The following TRAPPC11 variants were observed in gnomAD, a reference collection of about 807,000 sequenced individuals.
TRAPPC11 encodes the protein trafficking protein particle complex subunit 11.
In TRAPPC11, 104 loss-of-function variants were observed where a neutral mutation model predicts 151.2. The ratio of observed to expected loss-of-function variants is 0.69; its 90% CI spans 0.59 to 0.81. The LOEUF is 0.81. TRAPPC11 is among the 30% of genes least tolerant of loss of function. The pLI is 0.00. For synonymous variants in TRAPPC11, 456 were observed against 472.3 expected (o/e 0.97, Z 0.45); for missense variants, 1,230 against 1,349.6 (o/e 0.91, Z 1.39).
intron 5 of TRAPPC11, among the ~76,000 whole-genome samples, chr4:183,669,469 C>A (rs1227127577): frequency 6.6e-6 from 1 of 152,174 alleles, no homozygotes; most frequent in Non-Finnish European, 1.5e-5. Flanking sequence ...CAGATGCTTT[C>A]ATAGTCATGC....
At chr4:183,689,230 G>A (rs983965057) in intron 18 of TRAPPC11, among the ~76,000 whole-genome samples, 1 of 152,112 alleles carries the variant, frequency 6.6e-6, no homozygotes, top group Non-Finnish European at 1.5e-5. Flanking sequence ...GATATAAGAG[G>A]CATTTAAAAA....
intron 11 of TRAPPC11, chr4:183,683,732 T>G (rs779281154): frequency 1.7e-4 from 88 of 510,300 alleles, no homozygotes; most frequent in Non-Finnish European, 2.0e-4. Flanking sequence ...TGACATTGCT[T>G]TTCAGATCGT....
Position 183,685,102 on chromosome 4 carries a change from A to G in TRAPPC11, c.1586A>G (p.Asp529Gly). 2 of 1,613,900 alleles carry G rather than the reference A, an allele frequency of 1.2e-6. No homozygotes were observed. The highest frequency in any genetic ancestry group is 1.7e-6 in the Non-Finnish European group (2 of 1,179,914). ...LLGRASTLKDDQKSRIEKNLI... is the reference protein window; with the variant it reads ...LLGRASTLKDGQKSRIEKNLI... Reference sequence around the variant, plus strand: ...ATACTAGCTTCAACTCTGAAAGATGACCAGAAGTCTCGGATAGAAAAGAAC... The same window carrying G: ...ATACTAGCTTCAACTCTGAAAGATGGCCAGAAGTCTCGGATAGAAAAGAAC... The change falls in exon 16 of 30, where the codon GAC becomes GGC. Residue 529 changes from aspartate to glycine, a missense_variant. Coordinates refer to ENST00000334690, the MANE Select transcript of TRAPPC11 (RefSeq NM_021942.6).
Position 183,667,143 on chromosome 4 carries a change from T to C in TRAPPC11, c.445+13T>C, listed in dbSNP as rs1313575499. The C allele has an allele frequency of 6.3e-7, 1 of 1,594,290 alleles. No homozygotes were observed. Among genetic ancestry groups the C allele is most frequent in the Admixed American group, 1.7e-5 (1 of 59,758 alleles). ...CCTTTGCCCCCAGGTATCAGAAGTC[T>C]AATTAATGAATTAATTGTTTTATAC... On this transcript the variant is annotated intron_variant, in intron 4 of 29. Coordinates refer to ENST00000334690, the MANE Select transcript of TRAPPC11 (RefSeq NM_021942.6).
intron 26 of TRAPPC11, among the ~76,000 whole-genome samples, chr4:183,704,637 C>T (rs1182457504): frequency 3.3e-5 from 5 of 151,480 alleles, no homozygotes; most frequent in Non-Finnish European, 7.4e-5. Flanking sequence ...CACGGTGAAA[C>T]CCCGTCTCTA....
chr4:183,686,149 C>A (rs1287526983), intron 17 of TRAPPC11, among the ~76,000 whole-genome samples: 2 of 151,448 alleles, frequency 1.3e-5, no homozygotes, highest in African/African-American at 4.9e-5. Context: ...ATTTATTATT[C>A]TTTTTGAGAT....
intron 5 of TRAPPC11, among the ~76,000 whole-genome samples, chr4:183,670,104 A>G (rs1326252088): frequency 6.6e-6 from 1 of 152,232 alleles, no homozygotes. Context: ...GCTGAATATC[A>G]GGACATCTTC....
At chr4:183,701,431 C>T in intron 25 of TRAPPC11, 3 of 316,076 alleles carry the variant, frequency 9.5e-6, no homozygotes, top group African/African-American at 2.1e-5. Context: ...AAGCTTTTTG[C>T]ATTCATTAGT....
At chr4:183,662,354 CA>C (rs202105209) in intron 1 of TRAPPC11, among the ~76,000 whole-genome samples, 38 of 110,250 alleles carry the variant, frequency 3.4e-4, no homozygotes, top group Admixed American at 4.8e-4. Flanking sequence ...TACTCCGTCT[CA>C]AAAAAAAAAA....
intron 2 of TRAPPC11, among the ~76,000 whole-genome samples, chr4:183,664,564 C>G (rs894147247): frequency 6.6e-6 from 1 of 151,894 alleles, no homozygotes; most frequent in Non-Finnish European, 1.5e-5. Context: ...TTATTCATTG[C>G]GGAATGAAGA....
At chr4:183,687,698 AC>A (rs1297707350) in intron 18 of TRAPPC11, among the ~76,000 whole-genome samples, 6 of 151,998 alleles carry the variant, frequency 3.9e-5, no homozygotes, top group African/African-American at 9.7e-5. Context: ...AATTAAAAAA[AC>A]ATTTGGTTTA....
intron 25 of TRAPPC11, among the ~76,000 whole-genome samples, chr4:183,699,537 C>T (rs1005677844): frequency 3.9e-5 from 6 of 152,198 alleles, no homozygotes; most frequent in African/African-American, 1.4e-4. Flanking sequence ...AAGGAATAAT[C>T]TGTGGCTTGA....
At chr4:183,705,181 G>A (rs930683267) in intron 27 of TRAPPC11, 111 bp downstream of exon 27, 15 of 728,962 alleles carry the variant, frequency 2.1e-5, no homozygotes, top group Admixed American at 4.4e-5. Flanking sequence ...TTCAGCATTT[G>A]TAAAAGTAGC....
At position 183,694,671 on chromosome 4, in the gene TRAPPC11, AC is replaced by A; in HGVS notation, c.2578del (p.Leu860Ter). On this transcript the variant is annotated frameshift_variant, in exon 23 of 30. Transcript: ENST00000334690. LOFTEE classifies it high-confidence loss of function. The stretch of plus-strand genomic sequence containing the variant: ...AGAATGTTTCTTGTATATGTTTCTT[AC>A]CTGATAAATACAACCGTTGAAGAAA... The part of the protein sequence containing the change: ...GSRMFLVYVS[Y>X]LINTTVEEKE... The A allele has an allele frequency of 6.2e-7, 1 of 1,610,418 alleles. No homozygotes were observed. The highest frequency in any genetic ancestry group is 1.1e-5 in the South Asian group (1 of 89,620).
At chr4:183,687,703 TG>T (rs1318507161) in intron 18 of TRAPPC11, among the ~76,000 whole-genome samples, 2 of 152,206 alleles carry the variant, frequency 1.3e-5, no homozygotes, top group African/African-American at 4.8e-5. Context: ...AAAAAACATT[TG>T]GTTTATATTT....
At chr4:183,667,605 T>C (rs1271908307) in intron 4 of TRAPPC11, among the ~76,000 whole-genome samples, 1 of 152,230 alleles carries the variant, frequency 6.6e-6, no homozygotes, top group Non-Finnish European at 1.5e-5. Context: ...CAGATTCTTA[T>C]TTCCACTTTC....
At chr4:183,674,688 G>T in intron 5 of TRAPPC11, 25 bp from the exon 6 acceptor site, 1 of 1,346,454 alleles carries the variant, frequency 7.4e-7, no homozygotes, top group South Asian at 1.5e-5. Context: ...ATATGTAAAT[G>T]CTTGTTTGTT....
chr4:183,697,371 T>A (rs905391396), intron 23 of TRAPPC11, 132 bp from the exon 24 acceptor site: 1 of 832,826 alleles, frequency 1.2e-6, no homozygotes, highest in Admixed American at 3.3e-5. Flanking sequence ...ACAAATGTTA[T>A]CTAAAAGGCC....
At chr4:183,665,389 A>C (rs57598445) in intron 2 of TRAPPC11, among the ~76,000 whole-genome samples, 2,308 of 152,246 alleles carry the variant, frequency 0.015, 53 homozygotes, top group African/African-American at 0.052. Flanking sequence ...CCACCGTGCC[A>C]GGCCTACATG....
Sources: allele counts gnomAD v4.1 joint callset (sites outside exome capture counted in the v4.1 genomes callset), GRCh38; gene constraint gnomAD v4.1.1; transcripts MANE v1.5; gene names NCBI Gene and HGNC (gene_info 2026-07-23, HGNC 2026-07-21).